Variants in TMEM161B observed in about 807,000 individuals in gnomAD.
The protein encoded by TMEM161B is transmembrane protein 161B.
TMEM161B carries 34 observed loss-of-function variants against 61.8 expected under a neutral mutation model. The ratio of observed to expected loss-of-function variants is 0.55; its 90% CI spans 0.42 to 0.73. The LOEUF is 0.73. Ranked by LOEUF, TMEM161B falls within the 30% of genes least tolerant of loss-of-function variation. The pLI is 0.00. For missense variants in TMEM161B, 456 were observed against 558.5 expected, an observed-to-expected ratio of 0.82 and a Z score of 1.85; for synonymous variants, 167 against 192.8, an observed-to-expected ratio of 0.87 and a Z score of 1.11.
intron 1 of TMEM161B, among the ~76,000 whole-genome samples, chr5:88,258,892 C>T (rs1049336567): frequency 6.6e-6 from 1 of 152,258 alleles, no homozygotes; most frequent in Admixed American, 6.5e-5. Flanking sequence ...ATTAGTATTT[C>T]AAAGGGCTTC....
chr5:88,243,057 A>G (rs931653206), intron 1 of TMEM161B, among the ~76,000 whole-genome samples: 1 of 151,756 alleles, frequency 6.6e-6, no homozygotes, highest in Non-Finnish European at 1.5e-5. Flanking sequence ...GAAATTAAAA[A>G]TGGTTCTTAA....
intron 6 of TMEM161B, 85 bp downstream of exon 6, chr5:88,206,944 C>G (rs1561320522): frequency 1.1e-5 from 12 of 1,118,210 alleles, no homozygotes; most frequent in Non-Finnish European, 1.3e-5. Context: ...AGATATTTAT[C>G]AGACATAAAA....
intron 8 of TMEM161B, among the ~76,000 whole-genome samples, chr5:88,204,849 TA>T (rs33955317): frequency 1.8e-4 from 26 of 143,844 alleles, no homozygotes; most frequent in East Asian, 4.1e-4. Flanking sequence ...GAAGTGAGGT[TA>T]AAAAAAAAAG....
At chr5:88,256,410 G>C (rs1754991167) in intron 1 of TMEM161B, among the ~76,000 whole-genome samples, 1 of 152,156 alleles carries the variant, frequency 6.6e-6, no homozygotes, top group Admixed American at 6.5e-5. Flanking sequence ...TTTTCCTTAA[G>C]AGTATTTTCT....
At chr5:88,186,535 T>C (rs1296735156), downstream of TMEM161B, among the ~76,000 whole-genome samples, 3 of 152,180 alleles carry the variant, frequency 2.0e-5, no homozygotes, top group African/African-American at 4.8e-5. Context: ...CAGTCTTTTG[T>C]CTCGTTTTGC....
chr5:88,237,159 AT>A (rs1751988909), intron 2 of TMEM161B, among the ~76,000 whole-genome samples: 1 of 152,184 alleles, frequency 6.6e-6, no homozygotes, highest in Non-Finnish European at 1.5e-5. Flanking sequence ...AATATCACCT[AT>A]GGCAGAAAGT....
intron 1 of TMEM161B, among the ~76,000 whole-genome samples, chr5:88,243,665 CG>C (rs772716771): frequency 6.6e-6 from 1 of 151,804 alleles, no homozygotes; most frequent in Non-Finnish European, 1.5e-5. Flanking sequence ...TTTGAGAAGT[CG>C]CCAAACTGCT....
chr5:88,237,953 T>C (rs1752131063), intron 2 of TMEM161B, among the ~76,000 whole-genome samples: 1 of 152,098 alleles, frequency 6.6e-6, no homozygotes, highest in Admixed American at 6.6e-5. Context: ...TGTCCCCAGG[T>C]ATCTGAGGGA....
chr5:88,204,588 C>A (rs1580367263), intron 8 of TMEM161B, among the ~76,000 whole-genome samples: 1 of 152,218 alleles, frequency 6.6e-6, no homozygotes, highest in East Asian at 1.9e-4. Context: ...GGCTCCCCTC[C>A]ACCCACCCTT....
intron 5 of TMEM161B, among the ~76,000 whole-genome samples, chr5:88,214,324 C>T (rs1747412786): frequency 6.6e-6 from 1 of 151,982 alleles, no homozygotes; most frequent in Admixed American, 6.6e-5. Flanking sequence ...AGGCCTTTAA[C>T]CAAATATAAT....
chr5:88,221,887 A>C, intron 4 of TMEM161B: 1 of 368,250 alleles, frequency 2.7e-6, no homozygotes, highest in Non-Finnish European at 5.5e-6. Context: ...ACACTTGAAG[A>C]TACGATATCC....
At chr5:88,228,751 A>G (rs1456719782) in intron 2 of TMEM161B, among the ~76,000 whole-genome samples, 1 of 152,180 alleles carries the variant, frequency 6.6e-6, no homozygotes, top group Non-Finnish European at 1.5e-5. Flanking sequence ...AGGTCCTACA[A>G]TGCCATTTGT....
intron 2 of TMEM161B, among the ~76,000 whole-genome samples, chr5:88,231,740 C>T (rs191693784): frequency 1.3e-5 from 2 of 152,196 alleles, no homozygotes; most frequent in East Asian, 1.9e-4. Context: ...TCGTTATTCG[C>T]GGTAGTTAGG....
intron 8 of TMEM161B, among the ~76,000 whole-genome samples, chr5:88,204,315 A>C (rs1745022579): frequency 6.6e-6 from 1 of 152,184 alleles, no homozygotes; most frequent in African/African-American, 2.4e-5. Context: ...CAATAAACTG[A>C]AAATAAAATA....
At chr5:88,236,030 C>G (rs1416722220) in intron 2 of TMEM161B, among the ~76,000 whole-genome samples, 4 of 152,156 alleles carry the variant, frequency 2.6e-5, no homozygotes, top group Admixed American at 6.6e-5. Flanking sequence ...TAGGTCCCAC[C>G]TACTGTGCAT....
downstream of TMEM161B, among the ~76,000 whole-genome samples, chr5:88,191,142 C>A (rs1485660738): frequency 6.6e-6 from 1 of 152,214 alleles, no homozygotes; most frequent in South Asian, 2.1e-4. Context: ...GACCACAAAT[C>A]TCCTTAGTTT....
At chr5:88,187,979 T>C (rs1408497538), downstream of TMEM161B, among the ~76,000 whole-genome samples, 1 of 152,210 alleles carries the variant, frequency 6.6e-6, no homozygotes, top group Non-Finnish European at 1.5e-5. Context: ...TTTTATTTGC[T>C]CTTTAAACAA....
chr5:88,185,926 T>C (rs1748337684), downstream of TMEM161B, among the ~76,000 whole-genome samples: 2 of 152,236 alleles, frequency 1.3e-5, no homozygotes, highest in Non-Finnish European at 2.9e-5. Flanking sequence ...ATCATAAACA[T>C]GGCATTTCTA....
chr5:88,250,723 G>A (rs1754228665), intron 1 of TMEM161B: 1 of 152,290 alleles, frequency 6.6e-6, no homozygotes, highest in African/African-American at 2.4e-5. Context: ...TGGGTTGACC[G>A]CGTCTCATTG....
Sources: gnomAD v4.1 joint callset for allele counts (sites outside exome capture counted in the v4.1 genomes callset) on GRCh38, gnomAD v4.1.1 for gene constraint, MANE v1.5 for transcripts, NCBI Gene and HGNC (gene_info 2026-07-23, HGNC 2026-07-21) for gene names.